Variants in SLIT3 observed in about 807,000 individuals in gnomAD.
The protein encoded by SLIT3 is slit homolog 3 protein.
A neutral mutation model predicts 184.0 loss-of-function variants in SLIT3; 68 were observed. The observed-to-expected ratio is 0.37, with a 90% confidence interval of 0.30 to 0.45. The LOEUF is 0.45. Ranked by LOEUF, SLIT3 falls within the 20% of genes least tolerant of loss-of-function variation. The pLI, the probability that SLIT3 is intolerant of heterozygous loss-of-function variation, is 1.00. For missense variants in SLIT3, 1,707 were observed against 2,026.0 expected (o/e 0.84, Z 3.02); for synonymous variants, 831 against 828.6 (o/e 1.00, Z -0.05).
intron 4 of SLIT3, among the ~76,000 whole-genome samples, chr5:169,045,697 G>C (rs1247317543): frequency 6.6e-6 from 1 of 152,184 alleles, no homozygotes; most frequent in Non-Finnish European, 1.5e-5. Context: ...CAAACAGCTT[G>C]TAAACTGCAG....
At chr5:168,880,836 C>G (rs1332731904) in intron 5 of SLIT3, among the ~76,000 whole-genome samples, 1 of 152,236 alleles carries the variant, frequency 6.6e-6, no homozygotes, top group Non-Finnish European at 1.5e-5. Context: ...TCCTTCTGAG[C>G]TCTGACAGCC....
chr5:168,816,985 G>A (rs116421116), intron 8 of SLIT3, among the ~76,000 whole-genome samples: 1,645 of 152,256 alleles, frequency 0.011, 35 homozygotes, highest in African/African-American at 0.036. Flanking sequence ...GAACACCTCC[G>A]TTATACCTGT....
intron 4 of SLIT3, among the ~76,000 whole-genome samples, chr5:168,962,828 G>C (rs1334544157): frequency 6.6e-6 from 1 of 152,252 alleles, no homozygotes; most frequent in South Asian, 2.1e-4. Flanking sequence ...TGAACCTGTG[G>C]TTCTCATTGC....
chr5:169,039,766 C>A (rs182803165), intron 4 of SLIT3, among the ~76,000 whole-genome samples: 1 of 152,256 alleles, frequency 6.6e-6, no homozygotes, highest in Non-Finnish European at 1.5e-5. Context: ...CTGGAGCAAC[C>A]CCTATCAAAC....
intron 5 of SLIT3, among the ~76,000 whole-genome samples, chr5:168,852,459 G>C (rs1171702229): frequency 6.6e-6 from 1 of 152,196 alleles, no homozygotes; most frequent in Non-Finnish European, 1.5e-5. Flanking sequence ...TCCTGGATAG[G>C]AGGTCAGTGC....
chr5:169,238,071 G>A (rs1209522213), intron 3 of SLIT3, among the ~76,000 whole-genome samples: 1 of 152,136 alleles, frequency 6.6e-6, no homozygotes, highest in Non-Finnish European at 1.5e-5. Context: ...GTTGATGTGT[G>A]TGTCTATTTT....
chr5:169,291,177 G>C (rs548429709), intron 1 of SLIT3, among the ~76,000 whole-genome samples: 24 of 152,234 alleles, frequency 1.6e-4, no homozygotes, highest in Non-Finnish European at 2.9e-4. Context: ...CATCCTGTTG[G>C]AACAAGACCT....
At chr5:169,194,485 G>A (rs1293339648) in intron 3 of SLIT3, among the ~76,000 whole-genome samples, 1 of 151,976 alleles carries the variant, frequency 6.6e-6, no homozygotes, top group Admixed American at 6.6e-5. Flanking sequence ...TTTGTGGGCT[G>A]CTTTCTACAT....
intron 3 of SLIT3, among the ~76,000 whole-genome samples, chr5:169,218,955 A>G (rs1359522446): frequency 6.6e-6 from 1 of 152,212 alleles, no homozygotes; most frequent in Non-Finnish European, 1.5e-5. Context: ...GGAGGCTCCA[A>G]TCCTGCAACA....
In SLIT3 at chr5:168,700,156, G is replaced by A. The variant is rs1314889; in HGVS notation, c.2942+426C>T. On this transcript the variant is annotated intron_variant, in intron 27 of 35. Transcript: ENST00000519560. Reference sequence around the variant, plus strand: ...GGCACTGGGCACGCCCTCGCTGGTCGTATCTCTGCTTCTTTAGCCTGCCCA... The same window carrying A: ...GGCACTGGGCACGCCCTCGCTGGTCATATCTCTGCTTCTTTAGCCTGCCCA... Among the ~76,000 whole-genome samples the A allele has an allele frequency of 5.3e-3, 803 of 152,312 alleles. 11 individuals carry two copies. The highest frequency in any genetic ancestry group is 0.018 in the African/African-American group (754 of 41,560).
chr5:168,810,980 G>A (rs1048649718), intron 8 of SLIT3, among the ~76,000 whole-genome samples: 10 of 152,100 alleles, frequency 6.6e-5, no homozygotes, highest in African/African-American at 2.4e-4. Flanking sequence ...AAGAAAGACT[G>A]AGCCATAACC....
At chr5:169,117,147 T>G (rs931725362) in intron 4 of SLIT3, among the ~76,000 whole-genome samples, 4 of 152,084 alleles carry the variant, frequency 2.6e-5, no homozygotes, top group African/African-American at 9.7e-5. Context: ...TAGCGTGGAA[T>G]GAGAAGGTAC....
At position 168,692,709 on chromosome 5, in the gene SLIT3, G is replaced by A; in HGVS notation, c.3083-9C>T. 6.2e-7 allele frequency: 1 copy of A among 1,607,454 alleles called. No homozygotes were observed. Among genetic ancestry groups the A allele is most frequent in the Non-Finnish European group, 8.5e-7 (1 of 1,174,100 alleles). ...CTCGTCGCATAGCTCACCTGGCACAGATGGGGGAGATAGCTCAGGCCTCAG... is the reference window on the plus strand; with the variant it reads ...CTCGTCGCATAGCTCACCTGGCACAAATGGGGGAGATAGCTCAGGCCTCAG... On this transcript the variant is annotated splice_polypyrimidine_tract_variant and intron_variant, in intron 28 of 35. Coordinates refer to ENST00000519560, the MANE Select transcript of SLIT3 (RefSeq NM_003062.4).
chr5:168,977,324 G>A (rs1754800092), intron 4 of SLIT3, among the ~76,000 whole-genome samples: 1 of 152,194 alleles, frequency 6.6e-6, no homozygotes, highest in South Asian at 2.1e-4. Flanking sequence ...ACTCAGCAAG[G>A]TCAGACTCCA....
intron 5 of SLIT3, among the ~76,000 whole-genome samples, chr5:168,878,751 G>A (rs1441401699): frequency 3.6e-5 from 5 of 138,754 alleles, no homozygotes; most frequent in South Asian, 2.2e-4. Flanking sequence ...AGTTTCACTC[G>A]TCTCCCAGGC....
chr5:169,055,818 A>G (rs1320091568), intron 4 of SLIT3, among the ~76,000 whole-genome samples: 2 of 151,160 alleles, frequency 1.3e-5, no homozygotes, highest in Admixed American at 1.3e-4. Context: ...CGACAGAGTG[A>G]AACTCTGTCT....
At chr5:169,097,436 G>T (rs1368195538) in intron 4 of SLIT3, among the ~76,000 whole-genome samples, 14 of 152,100 alleles carry the variant, frequency 9.2e-5, no homozygotes. Context: ...GTAGAAGGTG[G>T]AAGAGAAAAG....
At chr5:168,868,761 A>AAAAAAAAAAAAAG (rs1554150965) in intron 5 of SLIT3, among the ~76,000 whole-genome samples, 6 of 141,050 alleles carry the variant, frequency 4.3e-5, no homozygotes, top group African/African-American at 1.4e-4. Flanking sequence ...AAAAAAAAAA[A>AAAAAAAAAAAAAG]AAAAAGAAAA....
chr5:169,037,499 C>T (rs1435324060), intron 4 of SLIT3, among the ~76,000 whole-genome samples: 6 of 152,210 alleles, frequency 3.9e-5, no homozygotes, highest in African/African-American at 1.4e-4. Flanking sequence ...CCTTTCCCTC[C>T]ACCTCCACTA....
Sources: allele counts gnomAD v4.1 joint callset (sites outside exome capture counted in the v4.1 genomes callset), GRCh38; gene constraint gnomAD v4.1.1; transcripts MANE v1.5; gene names NCBI Gene and HGNC (gene_info 2026-07-23, HGNC 2026-07-21).